Variants in NT5DC1 observed in about 807,000 individuals in gnomAD.
The protein encoded by NT5DC1 is 5'-nucleotidase domain-containing protein 1.
Under a neutral mutation model 59.4 loss-of-function variants are expected in NT5DC1, and 42 were observed. That is an observed-to-expected ratio of 0.71 (90% CI 0.55 to 0.92). The LOEUF is 0.92. NT5DC1 is among the 40% of genes least tolerant of loss of function. The probability of loss-of-function intolerance (pLI) is 0.00; values close to 1 mark genes in which losing one functional copy is unlikely to be tolerated. For missense variants in NT5DC1, 501 were observed against 537.1 expected (o/e 0.93, Z 0.66); for synonymous variants, 172 against 188.1 (o/e 0.91, Z 0.70).
intron 6 of NT5DC1, among the ~76,000 whole-genome samples, chr6:116,126,937 G>C (rs944010267): frequency 3.3e-5 from 5 of 152,062 alleles, no homozygotes; most frequent in Non-Finnish European, 7.4e-5. Context: ...AAACACTATT[G>C]TTGTCAATTT....
chr6:116,139,652 C>A (rs1779714025), intron 6 of NT5DC1, among the ~76,000 whole-genome samples: 1 of 152,012 alleles, frequency 6.6e-6, no homozygotes, highest in African/African-American at 2.4e-5. Flanking sequence ...ACTTTACGAT[C>A]TAGTTTTTTG....
intron 11 of NT5DC1, among the ~76,000 whole-genome samples, chr6:116,239,529 C>T (rs1782184943): frequency 6.6e-6 from 1 of 152,134 alleles, no homozygotes; most frequent in African/African-American, 2.4e-5. Flanking sequence ...GAGGGCCTGC[C>T]TAAGGAGGGT....
intron 6 of NT5DC1, among the ~76,000 whole-genome samples, chr6:116,136,748 TAAC>T (rs1368434799): frequency 1.3e-5 from 2 of 152,202 alleles, no homozygotes; most frequent in African/African-American, 4.8e-5. Context: ...TTATCACAGA[TAAC>T]AATAAGCTAT....
intron 6 of NT5DC1, among the ~76,000 whole-genome samples, chr6:116,165,481 G>T (rs146353618): frequency 0.018 from 2,815 of 152,250 alleles, 36 homozygotes; most frequent in Non-Finnish European, 0.03. Context: ...ATAAATTATA[G>T]ATTTGGTGAC....
At chr6:116,224,735 G>A (rs969066306) in intron 8 of NT5DC1, among the ~76,000 whole-genome samples, 10 of 152,210 alleles carry the variant, frequency 6.6e-5, no homozygotes, top group Admixed American at 2.0e-4. Flanking sequence ...AGGGAGGCAG[G>A]CACCCGCATA....
chr6:116,173,229 A>G (rs1780652518), intron 6 of NT5DC1, among the ~76,000 whole-genome samples: 1 of 152,208 alleles, frequency 6.6e-6, no homozygotes, highest in African/African-American at 2.4e-5. Flanking sequence ...GTCAGTGGCT[A>G]CTCCTTACCA....
intron 6 of NT5DC1, among the ~76,000 whole-genome samples, chr6:116,201,326 C>G (rs935804037): frequency 2.0e-5 from 3 of 151,948 alleles, no homozygotes; most frequent in African/African-American, 7.2e-5. Flanking sequence ...TTTCAGTGAA[C>G]AGTATTGTTT....
intron 6 of NT5DC1, among the ~76,000 whole-genome samples, chr6:116,186,468 T>C (rs73566413): frequency 0.051 from 7,750 of 152,052 alleles, 215 homozygotes; most frequent in Non-Finnish European, 0.061. Flanking sequence ...CCCTCAAACA[T>C]GTTTCCCAGA....
rs765344332 is a variant in NT5DC1 at position 116,100,911 on chromosome 6, C to T, written c.-20C>T. On this transcript the variant is annotated 5_prime_UTR_variant, in exon 1 of 12. Transcript: ENST00000319550. ...GCACCCTTCGCGGCCGAGGCGCTCC[C>T]TGGTGCTCCCCGCGCAGCCATGGCT... 5.0e-6 allele frequency: 8 copies of T among 1,587,056 alleles called. No individual in the cohort carries two copies. Among genetic ancestry groups the T allele is most frequent in the Non-Finnish European group, 6.9e-6 (8 of 1,167,878 alleles).
chr6:116,104,280 A>G (rs1447679062), intron 1 of NT5DC1, among the ~76,000 whole-genome samples: 3 of 152,266 alleles, frequency 2.0e-5, no homozygotes, highest in South Asian at 2.1e-4. Context: ...TGTTACAGAA[A>G]AATCTCCTCC....
intron 1 of NT5DC1, among the ~76,000 whole-genome samples, chr6:116,102,635 T>G (rs942613383): frequency 6.6e-6 from 1 of 152,158 alleles, no homozygotes; most frequent in South Asian, 2.1e-4. Context: ...AGACAAGAGG[T>G]TTTTTTACTG....
chr6:116,227,937 G>C (rs1217288613), intron 8 of NT5DC1, among the ~76,000 whole-genome samples: 2 of 152,020 alleles, frequency 1.3e-5, no homozygotes, highest in Non-Finnish European at 2.9e-5. Flanking sequence ...TGTTTTCTTT[G>C]TGGTTGCGTA....
intron 6 of NT5DC1, among the ~76,000 whole-genome samples, chr6:116,127,711 T>C (rs1419144513): frequency 6.6e-5 from 10 of 152,150 alleles, no homozygotes; most frequent in African/African-American, 2.4e-4. Context: ...TTAAAATATA[T>C]ATTTTAATAT....
chr6:116,224,741 G>T (rs995946771), intron 8 of NT5DC1, among the ~76,000 whole-genome samples: 1 of 152,220 alleles, frequency 6.6e-6, no homozygotes, highest in Non-Finnish European at 1.5e-5. Context: ...GCAGGCACCC[G>T]CATAAGCGGT....
chr6:116,224,411 T>C (rs1452551092), intron 8 of NT5DC1, among the ~76,000 whole-genome samples: 1 of 152,154 alleles, frequency 6.6e-6, no homozygotes, highest in Non-Finnish European at 1.5e-5. Context: ...TGTGAGCACA[T>C]CAGCAAGTGC....
intron 6 of NT5DC1, among the ~76,000 whole-genome samples, chr6:116,124,853 G>T (rs757219733): frequency 1.3e-5 from 2 of 152,068 alleles, no homozygotes; most frequent in Non-Finnish European, 2.9e-5. Context: ...TTCATTGTTG[G>T]GGGGGAGGCC....
chr6:116,113,725 G>C (rs894584714), intron 4 of NT5DC1, among the ~76,000 whole-genome samples: 7 of 152,178 alleles, frequency 4.6e-5, no homozygotes, highest in Admixed American at 4.6e-4. Flanking sequence ...TATTTAATTA[G>C]AACTCAGCCC....
chr6:116,170,306 C>CT (rs981976432), intron 6 of NT5DC1, among the ~76,000 whole-genome samples: 4 of 151,064 alleles, frequency 2.6e-5, no homozygotes, highest in African/African-American at 4.9e-5. Flanking sequence ...TATATATGTA[C>CT]TTTTTTTTTA....
At chr6:116,218,952 T>C (rs1265820543) in intron 6 of NT5DC1, among the ~76,000 whole-genome samples, 2 of 152,280 alleles carry the variant, frequency 1.3e-5, no homozygotes, top group African/African-American at 4.8e-5. Context: ...AGAAGTTGAA[T>C]GGTACTTCCA....
Sources: allele counts gnomAD v4.1 joint callset (sites outside exome capture counted in the v4.1 genomes callset), GRCh38; gene constraint gnomAD v4.1.1; transcripts MANE v1.5; gene names NCBI Gene and HGNC (gene_info 2026-07-23, HGNC 2026-07-21).